KIAA0825: variants seen among roughly 807,000 people sequenced by gnomAD.
The protein encoded by KIAA0825 is KIAA0825, also known as uncharacterized protein KIAA0825.
KIAA0825 carries 119 observed loss-of-function variants against 147.6 expected under a neutral mutation model. The observed-to-expected ratio is 0.81, with a 90% confidence interval of 0.69 to 0.94. The LOEUF (loss-of-function observed/expected upper bound fraction) is 0.94, where lower values mean the gene tolerates loss of function less well. Among genes scored for constraint, KIAA0825 ranks in the 40% least tolerant of loss-of-function variants. The probability of loss-of-function intolerance (pLI) is 0.00; values close to 1 mark genes in which losing one functional copy is unlikely to be tolerated. For missense variants in KIAA0825, 1,381 were observed against 1,472.7 expected (o/e 0.94, Z 1.02); for synonymous variants, 470 against 518.1 (o/e 0.91, Z 1.26).
chr5:94,280,286 T>A (rs1584010089), intron 20 of KIAA0825, among the ~76,000 whole-genome samples: 2 of 152,182 alleles, frequency 1.3e-5, no homozygotes, highest in South Asian at 4.1e-4. Context: ...AGTCCAGAAC[T>A]CTCTGTACTA....
intron 20 of KIAA0825, among the ~76,000 whole-genome samples, chr5:94,235,969 A>G (rs1341375609): frequency 6.6e-6 from 1 of 152,254 alleles, no homozygotes; most frequent in Non-Finnish European, 1.5e-5. Flanking sequence ...CCTTGAAACA[A>G]TGCACCTGGT....
chr5:94,507,530 T>C (rs936811026), intron 5 of KIAA0825, among the ~76,000 whole-genome samples: 13 of 127,394 alleles, frequency 1.0e-4, no homozygotes, highest in Admixed American at 2.9e-4. Context: ...ATTAGCAAAA[T>C]GATGGTTAAG....
chr5:94,525,173 C>T (rs1459666898), intron 3 of KIAA0825, among the ~76,000 whole-genome samples: 1 of 151,764 alleles, frequency 6.6e-6, no homozygotes, highest in Non-Finnish European at 1.5e-5. Flanking sequence ...AGATTTGATA[C>T]TAAGAGGTAA....
intron 20 of KIAA0825, among the ~76,000 whole-genome samples, chr5:94,277,550 C>T (rs1323383374): frequency 2.0e-5 from 3 of 152,138 alleles, no homozygotes; most frequent in Non-Finnish European, 2.9e-5. Flanking sequence ...ATGAAAACCA[C>T]AATGAGATAC....
In KIAA0825 at chr5:94,520,766, T is replaced by A. The variant is rs755731897; in HGVS notation, c.452A>T (p.Asp151Val). The change falls in exon 5 of 21, where the codon GAT becomes GTT. Residue 151 changes from aspartate to valine, a missense_variant. Asp to Val is a radical substitution (Grantham distance 152). Transcript: ENST00000682413. ...AGACTTGACATCCATAGAGGAATTATCTTCAACAGAATGAAGAGACGTCCT... is the reference window on the plus strand; with the variant it reads ...AGACTTGACATCCATAGAGGAATTAACTTCAACAGAATGAAGAGACGTCCT... ...LSRTSLHSVE[D>V]NSSMDVKSMW... 5 of 1,613,276 alleles carry A rather than the reference T, an allele frequency of 3.1e-6. No individual in the cohort carries two copies. In the African/African-American group the frequency reaches 6.7e-5, roughly 22 times the overall value.
intron 20 of KIAA0825, among the ~76,000 whole-genome samples, chr5:94,289,934 A>G (rs1777815021): frequency 6.6e-6 from 1 of 152,002 alleles, no homozygotes; most frequent in Admixed American, 6.6e-5. Context: ...TAAAAAAAAA[A>G]AAAATCAAAA....
At chr5:94,287,896 G>C (rs149476490) in intron 20 of KIAA0825, among the ~76,000 whole-genome samples, 6 of 152,046 alleles carry the variant, frequency 3.9e-5, no homozygotes, top group African/African-American at 7.2e-5. Context: ...GGAATCCATC[G>C]GACATCCTTG....
intron 13 of KIAA0825, among the ~76,000 whole-genome samples, chr5:94,445,893 T>C (rs1018832586): frequency 1.6e-4 from 24 of 152,194 alleles, no homozygotes; most frequent in African/African-American, 5.5e-4. Flanking sequence ...AAATCTCTCA[T>C]TACTTCTCCA....
Position 94,533,681 on chromosome 5 carries a change from G to A in KIAA0825, c.131+3315C>T, listed in dbSNP as rs973587888. Among the ~76,000 whole-genome samples the A allele has an allele frequency of 2.8e-4, 42 of 152,226 alleles. 1 individual carries two copies. Among genetic ancestry groups the A allele is most frequent in the African/African-American group, 9.6e-4 (40 of 41,538 alleles). ...AGTGCTATATGCAGTTTTCAGTTAG[G>A]GAACTAATGATACGGAGGTACAACA... On this transcript the variant is annotated intron_variant, in intron 3 of 20. Transcript: ENST00000682413.
chr5:94,321,117 T>C (rs1233628024), intron 20 of KIAA0825, among the ~76,000 whole-genome samples: 3 of 151,966 alleles, frequency 2.0e-5, no homozygotes, highest in Admixed American at 6.6e-5. Context: ...GTATCTGGAG[T>C]TATGAATGAA....
intron 20 of KIAA0825, among the ~76,000 whole-genome samples, chr5:94,175,276 G>A (rs1768983266): frequency 6.6e-6 from 1 of 152,070 alleles, no homozygotes; most frequent in Admixed American, 6.6e-5. Flanking sequence ...TTGTCTCATT[G>A]CTTCCAGATA....
At chr5:94,290,683 G>A (rs910942871) in intron 20 of KIAA0825, among the ~76,000 whole-genome samples, 5 of 152,094 alleles carry the variant, frequency 3.3e-5, no homozygotes, top group African/African-American at 1.2e-4. Context: ...GGAATTTCTG[G>A]TTTTAGATCC....
chr5:94,314,167 T>G (rs1054405527), intron 20 of KIAA0825, among the ~76,000 whole-genome samples: 4 of 151,628 alleles, frequency 2.6e-5, no homozygotes, highest in Non-Finnish European at 5.9e-5. Context: ...CATTTCACCA[T>G]GTACAATGAA....
chr5:94,289,660 A>G (rs1485702383), intron 20 of KIAA0825, among the ~76,000 whole-genome samples: 1 of 151,516 alleles, frequency 6.6e-6, no homozygotes, highest in Non-Finnish European at 1.5e-5. Context: ...AGGTCTTAAC[A>G]TACAGGAATG....
At chr5:94,318,025 AT>A (rs149562664) in intron 20 of KIAA0825, among the ~76,000 whole-genome samples, 3,456 of 151,784 alleles carry the variant, frequency 0.023, 154 homozygotes, top group African/African-American at 0.08. Context: ...CTTATATACC[AT>A]TTTTTTCTGC....
intron 1 of KIAA0825, among the ~76,000 whole-genome samples, chr5:94,586,042 G>A (rs1461895809): frequency 6.6e-6 from 1 of 152,194 alleles, no homozygotes; most frequent in East Asian, 1.9e-4. Flanking sequence ...TTAAAACAGT[G>A]TGTAGTGGGA....
At chr5:94,350,382 A>T (rs1783517987) in intron 20 of KIAA0825, among the ~76,000 whole-genome samples, 1 of 152,212 alleles carries the variant, frequency 6.6e-6, no homozygotes, top group Admixed American at 6.5e-5. Context: ...TCCTTTTGAC[A>T]CTATTCCACA....
At chr5:94,167,259 A>G (rs1485166739) in intron 20 of KIAA0825, among the ~76,000 whole-genome samples, 1 of 152,228 alleles carries the variant, frequency 6.6e-6, no homozygotes, top group Non-Finnish European at 1.5e-5. Context: ...CCCCTTTAGC[A>G]TACGTTAGCA....
chr5:94,540,188 T>C (rs1773003092), intron 2 of KIAA0825, among the ~76,000 whole-genome samples: 1 of 152,184 alleles, frequency 6.6e-6, no homozygotes, highest in South Asian at 2.1e-4. Flanking sequence ...TTCTACAAAG[T>C]TTTGATTAAT....
Sources: gnomAD v4.1 joint callset for allele counts (sites outside exome capture counted in the v4.1 genomes callset) on GRCh38, gnomAD v4.1.1 for gene constraint, MANE v1.5 for transcripts, NCBI Gene and HGNC (gene_info 2026-07-23, HGNC 2026-07-21) for gene names.